Variants in DCAF12 observed in about 807,000 individuals in gnomAD.
DCAF12 encodes DDB1 and CUL4 associated factor 12, also known as DDB1- and CUL4-associated factor 12.
In DCAF12, 28 loss-of-function variants were observed where a neutral mutation model predicts 52.8. The ratio of observed to expected loss-of-function variants is 0.53; its 90% CI spans 0.39 to 0.73. The LOEUF (loss-of-function observed/expected upper bound fraction) is 0.73, where lower values mean the gene tolerates loss of function less well. Ranked by LOEUF, DCAF12 falls within the 30% of genes least tolerant of loss-of-function variation. DCAF12 has a pLI of 0.00. For missense variants in DCAF12, 425 were observed against 552.2 expected (o/e 0.77, Z 2.31); for synonymous variants, 196 against 215.5 (o/e 0.91, Z 0.79).
In DCAF12 at chr9:34,107,419, G is replaced by T. The variant is rs1365195308; in HGVS notation, c.480C>A (p.Asp160Glu). 13 of 1,614,070 alleles carry T rather than the reference G, an allele frequency of 8.1e-6. No individual in the cohort carries two copies. The highest frequency in any genetic ancestry group is 2.2e-5 in the South Asian group (2 of 91,088). ...GATAGATGGCAAGACTGTTGGGGTT[G>T]TCTCCTCCAGTGGCTAGCAGTGTTC... ...PSRTLLATGG[D>E]NPNSLAIYRL... Residue 160 changes from aspartate (D) to glutamate (E), a missense_variant, in exon 3 of 9, where the codon GAC becomes GAA. By Grantham distance (45) the Asp-to-Glu change is conservative. Around this residue, in one of 3 missense-constraint regions of DCAF12, gnomAD observed 328 missense variants for 444.4 expected, o/e 0.74. Transcript: ENST00000361264.
At chr9:34,094,210 G>C (rs1367390185) in intron 6 of DCAF12, among the ~76,000 whole-genome samples, 1 of 152,058 alleles carries the variant, frequency 6.6e-6, no homozygotes, top group African/African-American at 2.4e-5. Context: ...TTTGAGACCA[G>C]GCTGGCCAAC....
intron 4 of DCAF12, among the ~76,000 whole-genome samples, chr9:34,105,208 G>A (rs1290797754): frequency 2.0e-5 from 3 of 151,580 alleles, no homozygotes; most frequent in African/African-American, 7.3e-5. Flanking sequence ...AGCCGAGGTC[G>A]TGCTACTGCA....
chr9:34,112,487 G>A (rs367981564), intron 2 of DCAF12, among the ~76,000 whole-genome samples: 6 of 151,826 alleles, frequency 4.0e-5, no homozygotes, highest in East Asian at 1.9e-4. Context: ...CTGGCTACTC[G>A]GGAGGCTGAG....
At position 34,125,146 on chromosome 9, in the gene DCAF12, A is replaced by G. The variant is rs1479003940; in HGVS notation, c.210T>C (p.Tyr70=). 9 of 1,614,060 alleles carry G rather than the reference A, an allele frequency of 5.6e-6. No homozygotes were observed. Among genetic ancestry groups the G allele is most frequent in the Non-Finnish European group, 7.6e-6 (9 of 1,180,036 alleles). Residue 70 remains tyrosine (Y), a synonymous_variant, in exon 2 of 9, where the codon TAT becomes TAC. Coordinates refer to ENST00000361264, the MANE Select transcript of DCAF12 (RefSeq NM_015397.4). ...GGAGACTGGGAAGTTGCTGTGCTGC[A>G]TAACCATGCAACACTCGAGAGTAGC... ...ETSYSRVLHG[Y]AAQQLPSLLK... is the part of the protein sequence containing the mutation.
At chr9:34,116,974 G>A (rs190367782) in intron 2 of DCAF12, among the ~76,000 whole-genome samples, 2 of 152,188 alleles carry the variant, frequency 1.3e-5, no homozygotes, top group Non-Finnish European at 2.9e-5. Flanking sequence ...GCGAGACTCC[G>A]TCTCAAAAAT....
At chr9:34,109,005 GT>G (rs373695590) in intron 2 of DCAF12, among the ~76,000 whole-genome samples, 85,184 of 137,422 alleles carry the variant, frequency 0.62, 26,263 homozygotes, top group Middle Eastern at 0.66. Flanking sequence ...TATATATATG[GT>G]TTTTTTTTTT....
At chr9:34,117,319 T>C (rs1276270228) in intron 2 of DCAF12, among the ~76,000 whole-genome samples, 1 of 151,230 alleles carries the variant, frequency 6.6e-6, no homozygotes, top group Non-Finnish European at 1.5e-5. Context: ...CCCGGCTAAT[T>C]TTTTGTATTT....
chr9:34,093,865 C>A, intron 6 of DCAF12: 1 of 182,392 alleles, frequency 5.5e-6, no homozygotes, highest in Admixed American at 5.4e-5. Context: ...TCTGGCTACC[C>A]CCAGCTCACC....
intron 2 of DCAF12, among the ~76,000 whole-genome samples, chr9:34,115,010 C>T (rs1001501548): frequency 6.6e-6 from 1 of 151,958 alleles, no homozygotes; most frequent in Non-Finnish European, 1.5e-5. Flanking sequence ...GAAGGGGTAA[C>T]CTTACAATGT....
intron 6 of DCAF12, among the ~76,000 whole-genome samples, chr9:34,095,628 ATCC>A (rs1197793270): frequency 7.2e-5 from 11 of 151,982 alleles, no homozygotes; most frequent in Admixed American, 7.2e-4. Flanking sequence ...GGCTCAAGCA[ATCC>A]TCCTGCTTCA....
At chr9:34,092,692 A>AAAG (rs1828664087) in intron 7 of DCAF12, among the ~76,000 whole-genome samples, 1 of 151,774 alleles carries the variant, frequency 6.6e-6, no homozygotes, top group African/African-American at 2.4e-5. Flanking sequence ...CTCAAAAAAA[A>AAAG]AAAACAACAA....
intron 6 of DCAF12, chr9:34,093,722 C>T (rs902838813): frequency 5.7e-6 from 2 of 348,974 alleles, no homozygotes; most frequent in Non-Finnish European, 1.1e-5. Context: ...AAGGCCAAGG[C>T]CTTTCTTGGT....
intron 6 of DCAF12, among the ~76,000 whole-genome samples, chr9:34,094,197 G>A (rs1240154348): frequency 6.6e-6 from 1 of 152,212 alleles, no homozygotes; most frequent in East Asian, 1.9e-4. Flanking sequence ...CTGAGGTCAG[G>A]AGTTTGAGAC....
intron 2 of DCAF12, among the ~76,000 whole-genome samples, chr9:34,123,845 G>A (rs533026879): frequency 1.3e-5 from 2 of 152,108 alleles, no homozygotes; most frequent in Non-Finnish European, 2.9e-5. Context: ...ACCACGAGTG[G>A]GCAGCTGGAG....
chr9:34,092,893 T>C (rs1386326489), intron 7 of DCAF12, among the ~76,000 whole-genome samples: 1 of 152,104 alleles, frequency 6.6e-6, no homozygotes, highest in Non-Finnish European at 1.5e-5. Flanking sequence ...TTGCCCAGGC[T>C]GGAGTGCAAT....
chr9:34,121,280 G>A (rs1829170439), intron 2 of DCAF12, among the ~76,000 whole-genome samples: 1 of 152,126 alleles, frequency 6.6e-6, no homozygotes, highest in African/African-American at 2.4e-5. Flanking sequence ...TTAACCTCCT[G>A]CTAGATAAGA....
chr9:34,123,328 G>A (rs1019072837), intron 2 of DCAF12, among the ~76,000 whole-genome samples: 5 of 152,056 alleles, frequency 3.3e-5, no homozygotes, highest in Admixed American at 6.6e-5. Flanking sequence ...CATTTTTACC[G>A]CTACTAGTAC....
intron 2 of DCAF12, among the ~76,000 whole-genome samples, chr9:34,119,704 T>G (rs1251827085): frequency 8.5e-4 from 49 of 57,664 alleles, no homozygotes; most frequent in Non-Finnish European, 5.1e-4. Context: ...CTTTTGCGGT[T>G]TTTTTTTTTT....
intron 8 of DCAF12, 131 bp downstream of exon 8, chr9:34,089,281 T>C (rs1218987670): frequency 9.3e-7 from 1 of 1,079,268 alleles, no homozygotes; most frequent in Non-Finnish European, 1.3e-6. Context: ...GGAAGTCTTT[T>C]CCTGTTCCAA....
Sources: gnomAD v4.1 joint callset for allele counts (sites outside exome capture counted in the v4.1 genomes callset) on GRCh38, gnomAD v4.1.1 for gene constraint, gnomAD v4.1.1 regional missense constraint, MANE v1.5 for transcripts, NCBI Gene and HGNC (gene_info 2026-07-23, HGNC 2026-07-21) for gene names.